The following ENTHD1 variants were observed in gnomAD, a reference collection of about 807,000 sequenced individuals.
ENTHD1 encodes ENTH domain-containing protein 1.
Under a neutral mutation model 39.1 loss-of-function variants are expected in ENTHD1, and 23 were observed. The ratio of observed to expected loss-of-function variants is 0.59; its 90% confidence interval spans 0.42 to 0.83. ENTHD1 has a LOEUF of 0.83. ENTHD1 is among the 40% of genes least tolerant of loss of function. ENTHD1 has a pLI of 0.00. For synonymous variants in ENTHD1, 230 were observed against 258.2 expected (o/e 0.89, Z 1.05); for missense variants, 624 against 705.4 (o/e 0.88, Z 1.31).
chr22:39,802,939 CT>C (rs1426580501), intron 5 of ENTHD1, among the ~76,000 whole-genome samples: 1 of 152,216 alleles, frequency 6.6e-6, no homozygotes, highest in Non-Finnish European at 1.5e-5. Flanking sequence ...TTGCCAGTGC[CT>C]TTGTCCTCGG....
intron 6 of ENTHD1, among the ~76,000 whole-genome samples, chr22:39,756,337 C>T (rs1012487490): frequency 1.3e-5 from 2 of 151,752 alleles, no homozygotes; most frequent in Non-Finnish European, 2.9e-5. Flanking sequence ...CACACACACA[C>T]ACGCACACAC....
intron 3 of ENTHD1, among the ~76,000 whole-genome samples, chr22:39,847,286 C>A (rs1221695845): frequency 6.9e-6 from 1 of 145,894 alleles, no homozygotes; most frequent in Non-Finnish European, 1.5e-5. Flanking sequence ...AACCAAACAC[C>A]GCATGTTCTC....
At chr22:39,859,184 G>A (rs1342414988) in intron 3 of ENTHD1, among the ~76,000 whole-genome samples, 1 of 152,198 alleles carries the variant, frequency 6.6e-6, no homozygotes, top group Non-Finnish European at 1.5e-5. Context: ...ATTAAAGACA[G>A]TTAGAACCTT....
intron 1 of ENTHD1, among the ~76,000 whole-genome samples, chr22:39,889,718 T>C (rs906963465): frequency 6.6e-6 from 1 of 152,192 alleles, no homozygotes; most frequent in Non-Finnish European, 1.5e-5. Context: ...CCAAATAAAC[T>C]ATCACTTCTT....
chr22:39,849,400 T>A (rs900463360), intron 3 of ENTHD1, among the ~76,000 whole-genome samples: 9 of 152,150 alleles, frequency 5.9e-5, no homozygotes, highest in African/African-American at 2.2e-4. Flanking sequence ...GGTATGATGC[T>A]AACTACCCTA....
chr22:39,813,741 G>A (rs563384615), intron 5 of ENTHD1, among the ~76,000 whole-genome samples: 1 of 152,246 alleles, frequency 6.6e-6, no homozygotes, highest in Non-Finnish European at 1.5e-5. Flanking sequence ...AATACACAGT[G>A]TATGGCTTGA....
chr22:39,848,257 A>AT (rs1485473082), intron 3 of ENTHD1, among the ~76,000 whole-genome samples: 10 of 151,118 alleles, frequency 6.6e-5, no homozygotes, highest in African/African-American at 2.4e-4. Flanking sequence ...TTAATTAATT[A>AT]ATTTTTTTTT....
chr22:39,765,719 C>A (rs1182879792), intron 5 of ENTHD1, 110 bp from the exon 6 acceptor site: 3 of 1,130,330 alleles, frequency 2.7e-6, no homozygotes, highest in African/African-American at 3.2e-5. Flanking sequence ...TAACAGAATT[C>A]TTTCCTATTT....
In ENTHD1 at chr22:39,893,726, C is replaced by T. The variant is rs1319950019; in HGVS notation, c.-187G>A. On this transcript the variant is annotated 5_prime_UTR_variant, in exon 1 of 7. Transcript: ENST00000325157. ...GGAAAGTCGGCCGCTGCCCAACGAC[C>T]AAACTTCCTCTCCCCAGGATATTCC... The T allele has an allele frequency of 2.6e-5, 4 of 152,320 alleles. No individual in the cohort carries two copies. The highest frequency in any genetic ancestry group is 4.4e-5 in the Non-Finnish European group (3 of 68,126). 9.4% of individuals were successfully genotyped at this position (152,320 alleles called of 1,614,324 possible).
intron 6 of ENTHD1, chr22:39,751,168 C>G (rs912731574): frequency 6.5e-6 from 1 of 153,580 alleles, no homozygotes; most frequent in South Asian, 2.0e-4. Context: ...ATCTTAGGAG[C>G]CTTCTCCATT....
At chr22:39,862,929 A>G (rs1056360492) in intron 2 of ENTHD1, among the ~76,000 whole-genome samples, 12 of 152,204 alleles carry the variant, frequency 7.9e-5, no homozygotes, top group African/African-American at 2.9e-4. Context: ...GGCTTCCCAC[A>G]GCATTTGTCT....
chr22:39,783,948 CAA>C (rs1234787531), intron 5 of ENTHD1, among the ~76,000 whole-genome samples: 6 of 152,108 alleles, frequency 3.9e-5, no homozygotes, highest in Admixed American at 3.9e-4. Context: ...AAACAGTAAA[CAA>C]AGTGAAGAGG....
chr22:39,887,991 C>T (rs953767214), intron 1 of ENTHD1, 88 bp from the exon 2 acceptor site: 8 of 394,194 alleles, frequency 2.0e-5, no homozygotes, highest in Non-Finnish European at 3.1e-5. Context: ...GGTTTTGTTT[C>T]TAAATCAGCC....
At chr22:39,876,215 G>T (rs2066288373) in intron 2 of ENTHD1, 2 of 1,281,528 alleles carry the variant, frequency 1.6e-6, no homozygotes, top group African/African-American at 3.0e-5. Flanking sequence ...TTTGAAATAT[G>T]TAAGAATTGA....
intron 5 of ENTHD1, among the ~76,000 whole-genome samples, chr22:39,804,364 T>A (rs902439405): frequency 1.9e-4 from 28 of 149,830 alleles, no homozygotes; most frequent in African/African-American, 6.9e-4. Context: ...CACATGCCTC[T>A]AGTCCCAGTT....
intron 5 of ENTHD1, among the ~76,000 whole-genome samples, chr22:39,806,197 G>C (rs1013737223): frequency 6.6e-6 from 1 of 152,138 alleles, no homozygotes; most frequent in Non-Finnish European, 1.5e-5. Flanking sequence ...AAATAATATC[G>C]GGGCCAGTGC....
intron 5 of ENTHD1, among the ~76,000 whole-genome samples, chr22:39,773,616 A>G (rs1209147304): frequency 6.6e-6 from 1 of 152,216 alleles, no homozygotes; most frequent in Non-Finnish European, 1.5e-5. Flanking sequence ...CTAACCTCAT[A>G]GCTGGTGTAT....
intron 2 of ENTHD1, among the ~76,000 whole-genome samples, chr22:39,864,287 C>G (rs2146730380): frequency 6.6e-6 from 1 of 152,212 alleles, no homozygotes; most frequent in South Asian, 2.1e-4. Context: ...GCAATCCCAC[C>G]AAGCTCTTCA....
chr22:39,808,324 G>A (rs112089227), intron 5 of ENTHD1, among the ~76,000 whole-genome samples: 2,224 of 152,212 alleles, frequency 0.015, 18 homozygotes, highest in Non-Finnish European at 0.022. Context: ...TCATTTGTTT[G>A]ATTAGGTCTG....
Sources: gnomAD v4.1 joint callset for allele counts (sites outside exome capture counted in the v4.1 genomes callset) on GRCh38, gnomAD v4.1.1 for gene constraint, MANE v1.5 for transcripts, NCBI Gene and HGNC (gene_info 2026-07-23, HGNC 2026-07-21) for gene names.